AMBRA1: variants seen among roughly 807,000 people sequenced by gnomAD.
AMBRA1 encodes autophagy and beclin 1 regulator 1.
AMBRA1 carries 47 observed loss-of-function variants against 125.4 expected under a neutral mutation model. That is an observed-to-expected ratio of 0.37 (90% CI 0.30 to 0.48). The LOEUF (loss-of-function observed/expected upper bound fraction) is 0.48, where lower values mean the gene tolerates loss of function less well. AMBRA1 is among the 20% of genes least tolerant of loss of function. AMBRA1 has a pLI of 0.99. For missense variants in AMBRA1, 1,331 were observed against 1,693.4 expected, an observed-to-expected ratio of 0.79 and a Z score of 3.76; for synonymous variants, 626 against 655.5, an observed-to-expected ratio of 0.95 and a Z score of 0.69.
intron 1 of AMBRA1, among the ~76,000 whole-genome samples, chr11:46,572,658 A>C (rs929235315): frequency 1.3e-5 from 2 of 152,174 alleles, no homozygotes; most frequent in Admixed American, 1.3e-4. Context: ...CATTATCATC[A>C]TCATCTTGAC....
chr11:46,582,205 C>G (rs2135316110), intron 1 of AMBRA1, among the ~76,000 whole-genome samples: 1 of 152,084 alleles, frequency 6.6e-6, no homozygotes, highest in South Asian at 2.1e-4. Flanking sequence ...CCCTACTGTT[C>G]ACTGTATTCC....
intron 1 of AMBRA1, among the ~76,000 whole-genome samples, chr11:46,553,099 C>T (rs1337776504): frequency 1.3e-5 from 2 of 151,812 alleles, no homozygotes; most frequent in African/African-American, 2.4e-5. Context: ...CCTGCCACCA[C>T]ACCCGGCTAA....
intron 7 of AMBRA1, among the ~76,000 whole-genome samples, chr11:46,531,841 G>A (rs1336900461): frequency 6.6e-6 from 1 of 152,156 alleles, no homozygotes; most frequent in African/African-American, 2.4e-5. Context: ...CTGCCAGCTG[G>A]GAGAGGTGGC....
intron 14 of AMBRA1, chr11:46,428,608 T>C: frequency 6.7e-7 from 1 of 1,494,038 alleles, no homozygotes; most frequent in East Asian, 2.3e-5. Flanking sequence ...TTTTTAAGGT[T>C]TTTTGGCTAT....
At chr11:46,572,947 C>T (rs939214772) in intron 1 of AMBRA1, among the ~76,000 whole-genome samples, 6 of 150,720 alleles carry the variant, frequency 4.0e-5, no homozygotes, top group Non-Finnish European at 5.9e-5. Flanking sequence ...AAAAATTAGC[C>T]GGGTGTGGTG....
Position 46,541,803 on chromosome 11 carries a change from T to C in AMBRA1, c.2072+142A>G, listed in dbSNP as rs1319356930. ...TATCTCTGCCACCAGAGCAAGATTT[T>C]CCAAGAAAATGCAATGGCGAGATCA... On this transcript the variant is annotated intron_variant, in intron 7 of 17. Coordinates refer to ENST00000683756, the MANE Select transcript of AMBRA1 (RefSeq NM_001387011.1). 3 of 1,153,626 alleles carry C rather than the reference T, an allele frequency of 2.6e-6. No individual in the cohort carries two copies. The African/African-American group carries it at 4.7e-5, about 18-fold the overall frequency. 71.5% of individuals were successfully genotyped at this position (1,153,626 alleles called of 1,614,324 possible). A position where few individuals can be genotyped will look rare whatever the true frequency, so the allele number is the denominator to read the frequency against.
chr11:46,411,211 CA>C (rs1416099660), intron 15 of AMBRA1, among the ~76,000 whole-genome samples: 1 of 152,030 alleles, frequency 6.6e-6, no homozygotes. Flanking sequence ...CAAACTTCAC[CA>C]AAAGTCAGCT....
intron 1 of AMBRA1, among the ~76,000 whole-genome samples, chr11:46,586,522 C>G (rs1322263221): frequency 6.6e-6 from 1 of 151,864 alleles, no homozygotes. Flanking sequence ...GAAAGAGGGA[C>G]AAATATGCTG....
intron 11 of AMBRA1, among the ~76,000 whole-genome samples, chr11:46,483,389 G>T (rs1419136069): frequency 6.6e-6 from 1 of 152,136 alleles, no homozygotes; most frequent in Non-Finnish European, 1.5e-5. Context: ...CAACCTGAGT[G>T]GCATGAGGAC....
intron 1 of AMBRA1, among the ~76,000 whole-genome samples, chr11:46,584,136 A>C (rs1386741501): frequency 2.7e-4 from 37 of 139,250 alleles, no homozygotes; most frequent in African/African-American, 9.9e-4. Context: ...ATGTCCAACA[A>C]TGATAGACTG....
chr11:46,416,430 C>G (rs569710818), intron 15 of AMBRA1, among the ~76,000 whole-genome samples: 1 of 152,258 alleles, frequency 6.6e-6, no homozygotes, highest in East Asian at 1.9e-4. Flanking sequence ...CCAAGAGCAG[C>G]CTGAGCAGGC....
intron 1 of AMBRA1, among the ~76,000 whole-genome samples, chr11:46,550,664 T>C (rs910062750): frequency 3.9e-5 from 6 of 152,092 alleles, no homozygotes; most frequent in African/African-American, 1.2e-4. Flanking sequence ...CCCTTAAAAA[T>C]TGGTGCAGAG....
At chr11:46,534,269 G>T (rs1485126696) in intron 7 of AMBRA1, among the ~76,000 whole-genome samples, 1 of 151,592 alleles carries the variant, frequency 6.6e-6, no homozygotes, top group Non-Finnish European at 1.5e-5. Context: ...GAGGCGGGCG[G>T]AGCACCAGAG....
intron 11 of AMBRA1, among the ~76,000 whole-genome samples, chr11:46,485,970 G>A (rs140295743): frequency 4.6e-5 from 7 of 152,270 alleles, no homozygotes; most frequent in African/African-American, 1.2e-4. Flanking sequence ...AAAAGGCCCC[G>A]GGTGCTATAA....
intron 12 of AMBRA1, among the ~76,000 whole-genome samples, chr11:46,435,767 C>T (rs1947686002): frequency 6.6e-6 from 1 of 152,240 alleles, no homozygotes; most frequent in Non-Finnish European, 1.5e-5. Context: ...AGGCAGCAGG[C>T]TCAGCCTGGT....
At chr11:46,448,018 A>G (rs929539084) in intron 11 of AMBRA1, among the ~76,000 whole-genome samples, 5 of 152,226 alleles carry the variant, frequency 3.3e-5, no homozygotes, top group Non-Finnish European at 4.4e-5. Context: ...TTACACTACT[A>G]CTTACATCAG....
At chr11:46,429,190 T>C in intron 14 of AMBRA1, 2 of 1,482,708 alleles carry the variant, frequency 1.3e-6, no homozygotes, top group Non-Finnish European at 1.8e-6. Flanking sequence ...ATCCTCCCCC[T>C]CTCCCTCGGA....
Position 46,548,032 on chromosome 11 carries a change from TA to T in AMBRA1, c.136-158del, listed in dbSNP as rs200466391. ...AGCTACAAATTGAGAGAGATAAACCTAAATTACCTTCAGGAAAACTGTCTAG... is the reference window on the plus strand; with the variant it reads ...AGCTACAAATTGAGAGAGATAAACCTAATTACCTTCAGGAAAACTGTCTAG... On this transcript the variant is annotated intron_variant, in intron 2 of 17. Coordinates refer to ENST00000683756, the MANE Select transcript of AMBRA1 (RefSeq NM_001387011.1). Among the ~76,000 whole-genome samples the T allele has an allele frequency of 4.2e-3, 634 of 152,274 alleles. 3 individuals carry two copies. Among genetic ancestry groups the T allele is most frequent in the African/African-American group, 0.013 (532 of 41,556 alleles).
chr11:46,445,344 G>A (rs1032818447), intron 11 of AMBRA1, among the ~76,000 whole-genome samples: 2 of 152,112 alleles, frequency 1.3e-5, no homozygotes, highest in African/African-American at 2.4e-5. Flanking sequence ...CTCTCCCTGA[G>A]ACCTGAGAAT....
Sources: gnomAD v4.1 joint callset for allele counts (sites outside exome capture counted in the v4.1 genomes callset) on GRCh38, gnomAD v4.1.1 for gene constraint, MANE v1.5 for transcripts, NCBI Gene and HGNC (gene_info 2026-07-23, HGNC 2026-07-21) for gene names.